Variants in RAB3C observed in about 807,000 individuals in gnomAD.
RAB3C encodes the protein RAB3C, member RAS oncogene family, also known as ras-related protein Rab-3C.
Under a neutral mutation model 26.4 loss-of-function variants are expected in RAB3C, and 17 were observed. The ratio of observed to expected loss-of-function variants is 0.64; its 90% CI spans 0.44 to 0.97. RAB3C has a LOEUF of 0.97. Among genes scored for constraint, RAB3C ranks in the 50% least tolerant of loss-of-function variants. The probability of loss-of-function intolerance (pLI) is 0.00; values close to 1 mark genes in which losing one functional copy is unlikely to be tolerated. For missense variants in RAB3C, 242 were observed against 281.9 expected (o/e 0.86, Z 1.01); for synonymous variants, 91 against 95.9 (o/e 0.95, Z 0.30).
chr5:58,856,105 G>C lies in RAB3C; in HGVS notation c.*4754G>C, dbSNP rs541755785. On this transcript the variant is annotated 3_prime_UTR_variant, in exon 5 of 5. Transcript: ENST00000282878. Reference sequence around the variant, plus strand: ...AACACTGATACTTTTTTTTAAGAAGGCAAAATTCCATCTATGGTGCTTTCT... The same window carrying C: ...AACACTGATACTTTTTTTTAAGAAGCCAAAATTCCATCTATGGTGCTTTCT... The C allele has an allele frequency of 6.6e-6, 1 of 151,816 alleles. No homozygotes were observed. The highest frequency in any genetic ancestry group is 2.1e-4 in the South Asian group (1 of 4,802). 9.4% of individuals were successfully genotyped at this position (151,816 alleles called of 1,614,324 possible).
intron 3 of RAB3C, among the ~76,000 whole-genome samples, chr5:58,807,675 C>A (rs1398173828): frequency 6.6e-6 from 1 of 151,880 alleles, no homozygotes; most frequent in Non-Finnish European, 1.5e-5. Context: ...GGTGGGGGGG[C>A]AAAACATATG....
At chr5:58,605,463 A>G (rs568048724) in intron 1 of RAB3C, among the ~76,000 whole-genome samples, 3 of 152,184 alleles carry the variant, frequency 2.0e-5, no homozygotes, top group Non-Finnish European at 4.4e-5. Context: ...CTAAAAATCA[A>G]CAACTCTTCT....
chr5:58,714,363 C>A (rs1396581762), intron 2 of RAB3C, among the ~76,000 whole-genome samples: 1 of 152,070 alleles, frequency 6.6e-6, no homozygotes, highest in Admixed American at 6.6e-5. Flanking sequence ...GAATTATATA[C>A]CCAGCTAAAC....
chr5:58,612,548 G>GTATATATATATATGTA (rs750560332), intron 1 of RAB3C, among the ~76,000 whole-genome samples: 23 of 80,358 alleles, frequency 2.9e-4, no homozygotes, highest in Admixed American at 7.9e-4. Context: ...ATATATATAT[G>GTATATATATATATGTA]TATATATATA....
intron 1 of RAB3C, among the ~76,000 whole-genome samples, chr5:58,596,636 TA>T (rs1449644954): frequency 7.0e-5 from 6 of 86,234 alleles, no homozygotes; most frequent in Non-Finnish European, 1.0e-4. Context: ...ACATAATATA[TA>T]AATATATAAT....
chr5:58,660,327 C>T lies in RAB3C; in HGVS notation c.252+42457C>T, dbSNP rs552548832. ...TGAAAAGTAAAAGATGAAATAGTCC[C>T]TGAGACTGACAGTTACTATGTGGTA... is the stretch of plus-strand genomic sequence containing the variant. On this transcript the variant is annotated intron_variant, in intron 2 of 4. Transcript: ENST00000282878. Among the ~76,000 whole-genome samples the T allele has an allele frequency of 1.3e-5, 2 of 149,972 alleles. 1 individual carries two copies. Among genetic ancestry groups the T allele is most frequent in the African/African-American group, 5.1e-5 (2 of 39,406 alleles).
At position 58,725,698 on chromosome 5, in the gene RAB3C, A is replaced by G. The variant is rs563626891; in HGVS notation, c.253-304A>G. Among the ~76,000 whole-genome samples, 5 of 151,996 alleles carry G rather than the reference A, an allele frequency of 3.3e-5. No individual in the cohort carries two copies. In the South Asian group the frequency reaches 8.3e-4, roughly 25 times the overall value. On this transcript the variant is annotated intron_variant, in intron 2 of 4. Coordinates refer to ENST00000282878, the MANE Select transcript of RAB3C (RefSeq NM_138453.4). ...AAGTAGCTAGGAATGAATAATTTGA[A>G]TGTTTCTGCATAAAGACAAATATTT...
chr5:58,664,410 T>G (rs1457946366), intron 2 of RAB3C, among the ~76,000 whole-genome samples: 1 of 152,206 alleles, frequency 6.6e-6, no homozygotes, highest in Non-Finnish European at 1.5e-5. Flanking sequence ...ATAATATTCT[T>G]GAAATGGTAA....
intron 3 of RAB3C, among the ~76,000 whole-genome samples, chr5:58,732,290 A>T (rs293011): frequency 0.68 from 102,458 of 150,388 alleles, 34,974 homozygotes; most frequent in East Asian, 0.76. Flanking sequence ...GGCCAAAAAA[A>T]TTTTTTTATA....
chr5:58,719,181 C>A (rs1334121587), intron 2 of RAB3C, among the ~76,000 whole-genome samples: 1 of 151,916 alleles, frequency 6.6e-6, no homozygotes, highest in Non-Finnish European at 1.5e-5. Context: ...TATTTTTTGT[C>A]ATATCAAGCA....
chr5:58,671,702 T>C (rs1392043372), intron 2 of RAB3C, among the ~76,000 whole-genome samples: 1 of 152,222 alleles, frequency 6.6e-6, no homozygotes. Context: ...TAATTTGAAC[T>C]GGAAAGTTTC....
intron 3 of RAB3C, chr5:58,794,321 A>G (rs1248263557): frequency 6.6e-6 from 1 of 150,904 alleles, no homozygotes; most frequent in African/African-American, 2.4e-5. Context: ...AAAACAGAGG[A>G]AGAAAAGTAG....
chr5:58,850,493 CT>C (rs1261528231), intron 4 of RAB3C, among the ~76,000 whole-genome samples: 1 of 152,142 alleles, frequency 6.6e-6, no homozygotes, highest in Non-Finnish European at 1.5e-5. Context: ...TCAGTGCCAT[CT>C]TGTGTCCTTT....
Position 58,668,120 on chromosome 5 carries a change from AAATT to A in RAB3C, c.252+50254_252+50257del, listed in dbSNP as rs535868277. Among the ~76,000 whole-genome samples, 397 of 152,282 alleles carry A rather than the reference AAATT, an allele frequency of 2.6e-3. 1 individual carries two copies. Among genetic ancestry groups the A allele is most frequent in the African/African-American group, 8.8e-3 (365 of 41,544 alleles). ...ACATAGCTTACCCATGCATGTCCTG[AAATT>A]AATATTATATTCTAGTGGTCTGGAC... is the stretch of plus-strand genomic sequence containing the variant. On this transcript the variant is annotated intron_variant, in intron 2 of 4. Coordinates refer to ENST00000282878, the MANE Select transcript of RAB3C (RefSeq NM_138453.4).
rs1341115094 is a variant in RAB3C, at chr5:58,693,336, G to GTATGTATATATA, written c.253-32663_253-32662insGTATATATATAT. On this transcript the variant is annotated intron_variant, in intron 2 of 4. Coordinates refer to ENST00000282878, the MANE Select transcript of RAB3C (RefSeq NM_138453.4). ...AAATTAAGAAATTATATATATATGT[G>GTATGTATATATA]TATATATATATATATATATATATAT... is the stretch of plus-strand genomic sequence containing the variant. Among the ~76,000 whole-genome samples the GTATGTATATATA allele has an allele frequency of 5.0e-3, 564 of 111,724 alleles. 14 individuals carry two copies. Among genetic ancestry groups the GTATGTATATATA allele is most frequent in the African/African-American group, 0.012 (311 of 26,810 alleles). 73.3% of individuals were successfully genotyped at this position (111,724 alleles called of 152,430 possible).
At chr5:58,721,054 A>C (rs1455941550) in intron 2 of RAB3C, among the ~76,000 whole-genome samples, 1 of 151,872 alleles carries the variant, frequency 6.6e-6, no homozygotes, top group Non-Finnish European at 1.5e-5. Context: ...CTAAGGCAGA[A>C]ACAGAGTGCC....
At chr5:58,620,856 T>C (rs1252486294) in intron 2 of RAB3C, among the ~76,000 whole-genome samples, 1 of 152,190 alleles carries the variant, frequency 6.6e-6, no homozygotes, top group African/African-American at 2.4e-5. Flanking sequence ...AGAGTTCACA[T>C]TGAAGGCATG....
chr5:58,648,393 T>G (rs888577740), intron 2 of RAB3C, among the ~76,000 whole-genome samples: 1 of 152,214 alleles, frequency 6.6e-6, no homozygotes, highest in Non-Finnish European at 1.5e-5. Context: ...TGTCTTCTCT[T>G]AGAGAGATCA....
At chr5:58,837,153 T>C (rs771088032) in intron 4 of RAB3C, among the ~76,000 whole-genome samples, 3 of 152,188 alleles carry the variant, frequency 2.0e-5, no homozygotes, top group Non-Finnish European at 2.9e-5. Flanking sequence ...TGAACATTTT[T>C]TGATACATTC....
Sources: allele counts gnomAD v4.1 joint callset (sites outside exome capture counted in the v4.1 genomes callset), GRCh38; gene constraint gnomAD v4.1.1; transcripts MANE v1.5; gene names NCBI Gene and HGNC (gene_info 2026-07-23, HGNC 2026-07-21).